The following ASPH variants were observed in gnomAD, a reference collection of about 807,000 sequenced individuals.
ASPH encodes the protein aspartyl/asparaginyl beta-hydroxylase.
A neutral mutation model predicts 118.4 loss-of-function variants in ASPH; 100 were observed. That is an observed-to-expected ratio of 0.84 (90% confidence interval 0.72 to 1.00). The LOEUF (loss-of-function observed/expected upper bound fraction) is 1.00, where lower values mean the gene tolerates loss of function less well. ASPH is among the 50% of genes least tolerant of loss of function. The pLI is 0.00. For missense variants in ASPH, 920 were observed against 919.5 expected, an observed-to-expected ratio of 1.00 and a Z score of -0.01; for synonymous variants, 315 against 325.6, an observed-to-expected ratio of 0.97 and a Z score of 0.35.
At chr8:61,620,802 C>T (rs1209434922) in intron 13 of ASPH, among the ~76,000 whole-genome samples, 2 of 152,160 alleles carry the variant, frequency 1.3e-5, no homozygotes, top group Non-Finnish European at 2.9e-5. Context: ...AAAAATCAAG[C>T]GTAAAATGCA....
At position 61,506,896 on chromosome 8, in the gene ASPH, AC is replaced by A. The variant is rs1806800793; in HGVS notation, c.2127-3388del. The stretch of plus-strand genomic sequence containing the variant: ...CTTCCAAGGGAGATGAGATATAAAA[AC>A]ATCTTCAGAGCATCTGTGAAATGTA... On this transcript the variant is annotated intron_variant, in intron 24 of 24. Transcript: ENST00000379454. 2.6e-5 allele frequency among the ~76,000 whole-genome samples: 4 copies of A among 152,292 alleles called. No individual in the cohort carries two copies. The South Asian group carries it at 8.3e-4, about 32-fold the overall frequency.
chr8:61,624,171 C>T (rs1268139994), intron 13 of ASPH: 1 of 902,000 alleles, frequency 1.1e-6, no homozygotes, highest in Non-Finnish European at 1.3e-6. Flanking sequence ...ATATCTGTAT[C>T]GAAATATCTC....
At chr8:61,512,003 C>G (rs1809042556) in intron 24 of ASPH, among the ~76,000 whole-genome samples, 1 of 152,180 alleles carries the variant, frequency 6.6e-6, no homozygotes, top group South Asian at 2.1e-4. Context: ...CTCTACTTGT[C>G]TGGAAACAAA....
At chr8:61,514,643 A>G (rs1456486157) in intron 24 of ASPH, among the ~76,000 whole-genome samples, 1 of 152,082 alleles carries the variant, frequency 6.6e-6, no homozygotes, top group Non-Finnish European at 1.5e-5. Context: ...TGGGAGGCAG[A>G]GCTTGCAGTG....
intron 3 of ASPH, among the ~76,000 whole-genome samples, chr8:61,662,515 C>T (rs1357431616): frequency 6.6e-6 from 1 of 152,126 alleles, no homozygotes; most frequent in Non-Finnish European, 1.5e-5. Context: ...TAACAACCTA[C>T]TGAATAAAAA....
intron 20 of ASPH, among the ~76,000 whole-genome samples, chr8:61,549,599 T>C (rs1248569127): frequency 6.6e-6 from 1 of 152,208 alleles, no homozygotes; most frequent in Non-Finnish European, 1.5e-5. Flanking sequence ...ACTAGAAAGT[T>C]AAAATGGCTA....
intron 13 of ASPH, chr8:61,628,323 CTTTTTTTTTTTTT>C (rs398008041): frequency 2.5e-5 from 5 of 196,672 alleles, no homozygotes; most frequent in African/African-American, 1.7e-4. Flanking sequence ...CCAAGCCCGG[CTTTTTTTTTTTTT>C]TTTTTTTTTT....
In ASPH at chr8:61,526,011, T is replaced by C. The variant is rs1482024418; in HGVS notation, c.1866A>G (p.Lys622=). 1.2e-6 allele frequency: 2 copies of C among 1,613,710 alleles called. No homozygotes were observed. The highest frequency in any genetic ancestry group is 1.7e-6 in the Non-Finnish European group (2 of 1,179,730). Residue 622 remains lysine (K), a synonymous_variant, in exon 22 of 25, where the codon AAA becomes AAG. Coordinates refer to ENST00000379454, the MANE Select transcript of ASPH (RefSeq NM_004318.4). ...ACAGCGTGAACTGGCTCCAGTCCCCTTTTTCCCTCAGGTTTTCATCCTCAG... is the reference window on the plus strand; with the variant it reads ...ACAGCGTGAACTGGCTCCAGTCCCCCTTTTCCCTCAGGTTTTCATCCTCAG... The part of the protein sequence containing the change: ...FLPEDENLRE[K]GDWSQFTLWQ...
intron 13 of ASPH, chr8:61,631,655 A>G (rs1344072912): frequency 1.3e-5 from 2 of 152,074 alleles, no homozygotes; most frequent in African/African-American, 4.8e-5. Context: ...TGTATTGCTG[A>G]CTCTCAGCCT....
At chr8:61,646,945 T>C in intron 5 of ASPH, 67 bp from the exon 6 acceptor site, 1 of 1,602,060 alleles carries the variant, frequency 6.2e-7, no homozygotes, top group Non-Finnish European at 8.5e-7. Context: ...TGTGAAGGGC[T>C]GCCACACACC....
At chr8:61,665,115 G>A in intron 3 of ASPH, 1 of 1,437,266 alleles carries the variant, frequency 7.0e-7, no homozygotes, top group South Asian at 1.8e-5. Context: ...TAATTTACTT[G>A]CTAAGCACCA....
chr8:61,588,446 G>A (rs1011869586), intron 14 of ASPH, among the ~76,000 whole-genome samples: 1 of 152,198 alleles, frequency 6.6e-6, no homozygotes, highest in Non-Finnish European at 1.5e-5. Context: ...TTATACTACA[G>A]TCCATGGGGA....
At chr8:61,583,126 C>T (rs1838101804) in intron 15 of ASPH, 1 of 151,990 alleles carries the variant, frequency 6.6e-6, no homozygotes, top group Non-Finnish European at 1.5e-5. Context: ...GAGGTTAACC[C>T]TAAGTAAGAA....
intron 13 of ASPH, among the ~76,000 whole-genome samples, chr8:61,629,935 C>T (rs982760656): frequency 6.6e-6 from 1 of 152,210 alleles, no homozygotes; most frequent in African/African-American, 2.4e-5. Flanking sequence ...CTTGGCCTTG[C>T]TGTGCCTCAG....
intron 16 of ASPH, among the ~76,000 whole-genome samples, chr8:61,572,668 C>A (rs1403230928): frequency 6.6e-6 from 1 of 152,158 alleles, no homozygotes; most frequent in African/African-American, 2.4e-5. Context: ...TGGCCGTGAA[C>A]GCAGTCCAAG....
intron 1 of ASPH, among the ~76,000 whole-genome samples, chr8:61,705,296 T>A (rs1836316300): frequency 1.3e-5 from 2 of 152,156 alleles, no homozygotes; most frequent in South Asian, 4.1e-4. Context: ...TCAGCAGGTA[T>A]TAAGCTTATT....
chr8:61,630,724 C>T (rs1163582728), intron 13 of ASPH, among the ~76,000 whole-genome samples: 4 of 152,152 alleles, frequency 2.6e-5, no homozygotes, highest in African/African-American at 9.7e-5. Context: ...ATGCACAATA[C>T]ATAATATATG....
chr8:61,501,216 T>TAA lies in ASPH; in HGVS notation c.*2141_*2142dup. 6.6e-6 allele frequency: 1 copy of TAA among 152,118 alleles called. No individual in the cohort carries two copies. The highest frequency in any genetic ancestry group is 1.9e-4 in the East Asian group (1 of 5,190). 9.4% of individuals were successfully genotyped at this position (152,118 alleles called of 1,614,324 possible). A position where few individuals can be genotyped will look rare whatever the true frequency, so the allele number is the denominator to read the frequency against. ...CCAAGACATAGATAGGTAAGAGAAA[T>TAA]AAAGAATTGAAGTGAATTAGAAAAT... On this transcript the variant is annotated 3_prime_UTR_variant, in exon 25 of 25. Coordinates refer to ENST00000379454, the MANE Select transcript of ASPH (RefSeq NM_004318.4).
At chr8:61,586,954 G>A (rs1839648592) in intron 14 of ASPH, among the ~76,000 whole-genome samples, 1 of 152,172 alleles carries the variant, frequency 6.6e-6, no homozygotes, top group Admixed American at 6.5e-5. Context: ...CTCTCACATG[G>A]AAGAACTAAG....
Sources: allele counts gnomAD v4.1 joint callset (sites outside exome capture counted in the v4.1 genomes callset), GRCh38; gene constraint gnomAD v4.1.1; transcripts MANE v1.5; gene names NCBI Gene and HGNC (gene_info 2026-07-23, HGNC 2026-07-21).